Variants in NKAIN2 observed in about 807,000 individuals in gnomAD.
The protein encoded by NKAIN2 is sodium/potassium transporting ATPase interacting 2.
In NKAIN2, 14 loss-of-function variants were observed where a neutral mutation model predicts 32.6. That is an observed-to-expected ratio of 0.43 (90% CI 0.28 to 0.67). The LOEUF (loss-of-function observed/expected upper bound fraction) is 0.67, where lower values mean the gene tolerates loss of function less well. NKAIN2 is among the 30% of genes least tolerant of loss of function. The pLI, the probability that NKAIN2 is intolerant of heterozygous loss-of-function variation, is 0.17. For missense variants in NKAIN2, 198 were observed against 258.3 expected (o/e 0.77, Z 1.60); for synonymous variants, 80 against 87.2 (o/e 0.92, Z 0.46).
At chr6:124,680,550 AT>A (rs1238846212) in intron 4 of NKAIN2, among the ~76,000 whole-genome samples, 1 of 152,096 alleles carries the variant, frequency 6.6e-6, no homozygotes, top group African/African-American at 2.4e-5. Context: ...AAAGTCTTAG[AT>A]TTTATGTCTT....
intron 3 of NKAIN2, among the ~76,000 whole-genome samples, chr6:124,622,697 AG>A (rs1159084509): frequency 6.6e-6 from 1 of 152,018 alleles, no homozygotes; most frequent in Non-Finnish European, 1.5e-5. Context: ...GGGAGCTGGA[AG>A]GGGAGATGGA....
At chr6:124,012,674 C>T (rs889222497) in intron 1 of NKAIN2, among the ~76,000 whole-genome samples, 9 of 152,092 alleles carry the variant, frequency 5.9e-5, no homozygotes, top group African/African-American at 1.9e-4. Context: ...ATTGCTTTTT[C>T]TCGATGAGTT....
At chr6:124,384,688 A>T (rs1487585977) in intron 3 of NKAIN2, among the ~76,000 whole-genome samples, 1 of 145,144 alleles carries the variant, frequency 6.9e-6, no homozygotes, top group African/African-American at 2.4e-5. Flanking sequence ...TGGCATGATT[A>T]TGGCTCACTG....
intron 1 of NKAIN2, among the ~76,000 whole-genome samples, chr6:124,159,332 C>A (rs77390091): frequency 2.6e-5 from 4 of 151,972 alleles, no homozygotes; most frequent in Non-Finnish European, 5.9e-5. Flanking sequence ...ATTTTGATTG[C>A]GATGGGGTAT....
chr6:124,484,337 T>G (rs904587939), intron 3 of NKAIN2, among the ~76,000 whole-genome samples: 2 of 152,216 alleles, frequency 1.3e-5, no homozygotes, highest in African/African-American at 2.4e-5. Flanking sequence ...AAGATTCATC[T>G]ATGCAATTTA....
At chr6:124,653,228 A>T (rs1001268966) in intron 3 of NKAIN2, among the ~76,000 whole-genome samples, 4 of 152,098 alleles carry the variant, frequency 2.6e-5, no homozygotes, top group Non-Finnish European at 4.4e-5. Context: ...GAGGACCAAT[A>T]ACACCTAACC....
chr6:124,053,043 G>T (rs913686338), intron 1 of NKAIN2, among the ~76,000 whole-genome samples: 5 of 151,896 alleles, frequency 3.3e-5, no homozygotes, highest in Non-Finnish European at 7.4e-5. Flanking sequence ...AATGGCTAAG[G>T]TGTGGTAAGA....
chr6:124,248,235 C>T (rs1303267831), intron 1 of NKAIN2, among the ~76,000 whole-genome samples: 1 of 151,764 alleles, frequency 6.6e-6, no homozygotes, highest in Admixed American at 6.6e-5. Context: ...TTCTTTTGTC[C>T]TCAGTTTCTT....
At chr6:124,421,074 TAA>T (rs35625714) in intron 3 of NKAIN2, among the ~76,000 whole-genome samples, 17,453 of 133,662 alleles carry the variant, frequency 0.13, 3,401 homozygotes, top group African/African-American at 0.42. Flanking sequence ...CTGTCAAAAT[TAA>T]AAAAAAAAAA....
chr6:123,861,792 A>G (rs1483890399), intron 1 of NKAIN2, among the ~76,000 whole-genome samples: 1 of 152,092 alleles, frequency 6.6e-6, no homozygotes, highest in East Asian at 1.9e-4. Context: ...AAGCATAGTT[A>G]TATTTTACAT....
In NKAIN2 at chr6:124,374,308, GA is replaced by G. The variant is rs796702468; in HGVS notation, c.273+18971del. On this transcript the variant is annotated intron_variant, in intron 3 of 6. Transcript: ENST00000368417. Reference sequence around the variant, plus strand: ...AGTGAAAAGGTATAAAGAGAGTTTTGAAAAAAAAAATGGAAAAGTGTATATG... The same window carrying G: ...AGTGAAAAGGTATAAAGAGAGTTTTGAAAAAAAAATGGAAAAGTGTATATG... 7.1e-3 allele frequency among the ~76,000 whole-genome samples: 1,039 copies of G among 146,588 alleles called. 5 individuals are homozygous for G. Among genetic ancestry groups the G allele is most frequent in the Non-Finnish European group, 0.011 (710 of 66,284 alleles).
chr6:124,728,725 A>C (rs1776468674), intron 4 of NKAIN2, among the ~76,000 whole-genome samples: 1 of 150,314 alleles, frequency 6.7e-6, no homozygotes, highest in Non-Finnish European at 1.5e-5. Context: ...AACTGAAGGA[A>C]ATAGAGACAC....
intron 3 of NKAIN2, among the ~76,000 whole-genome samples, chr6:124,398,170 C>A (rs568258398): frequency 1.4e-5 from 2 of 144,714 alleles, no homozygotes; most frequent in Non-Finnish European, 3.0e-5. Flanking sequence ...GGAGAATGGC[C>A]TGAACCTGGG....
At chr6:124,037,222 C>T (rs1484359962) in intron 1 of NKAIN2, among the ~76,000 whole-genome samples, 1 of 152,074 alleles carries the variant, frequency 6.6e-6, no homozygotes, top group Non-Finnish European at 1.5e-5. Flanking sequence ...AGAAATACAA[C>T]ATGAAATAAG....
At chr6:123,960,339 T>G (rs1777787952) in intron 1 of NKAIN2, among the ~76,000 whole-genome samples, 1 of 152,158 alleles carries the variant, frequency 6.6e-6, no homozygotes, top group Non-Finnish European at 1.5e-5. Flanking sequence ...GCTGTTGTCA[T>G]CACTTGCTTT....
chr6:124,581,469 A>AAG (rs869290852), intron 3 of NKAIN2, among the ~76,000 whole-genome samples: 1 of 140,852 alleles, frequency 7.1e-6, no homozygotes, highest in Non-Finnish European at 1.6e-5. Context: ...AAAAAAAAAA[A>AAG]AGAAACATTG....
At chr6:123,810,132 A>G (rs1014632489) in intron 1 of NKAIN2, among the ~76,000 whole-genome samples, 1 of 152,000 alleles carries the variant, frequency 6.6e-6, no homozygotes, top group Non-Finnish European at 1.5e-5. Context: ...AGATATTAAT[A>G]TCCTCACTTT....
At chr6:124,712,480 C>A (rs554535126) in intron 4 of NKAIN2, among the ~76,000 whole-genome samples, 7 of 114,720 alleles carry the variant, frequency 6.1e-5, no homozygotes, top group Non-Finnish European at 1.3e-4. Context: ...ACTCCGTGGG[C>A]GTAGGACCCT....
chr6:124,178,485 G>C (rs532436341), intron 1 of NKAIN2, among the ~76,000 whole-genome samples: 3 of 152,032 alleles, frequency 2.0e-5, no homozygotes, highest in African/African-American at 7.2e-5. Flanking sequence ...TTTTAGTAGA[G>C]ATGGGGTTTC....
Sources: allele counts gnomAD v4.1 joint callset (sites outside exome capture counted in the v4.1 genomes callset), GRCh38; gene constraint gnomAD v4.1.1; transcripts MANE v1.5; gene names NCBI Gene and HGNC (gene_info 2026-07-23, HGNC 2026-07-21).